The following SDK1 variants were observed in gnomAD, a reference collection of about 807,000 sequenced individuals.
SDK1 encodes protein sidekick-1.
SDK1 carries 157 observed loss-of-function variants against 245.5 expected under a neutral mutation model. That is an observed-to-expected ratio of 0.64 (90% confidence interval 0.56 to 0.73). The LOEUF (loss-of-function observed/expected upper bound fraction) is 0.73, where lower values mean the gene tolerates loss of function less well. SDK1 is among the 30% of genes least tolerant of loss of function. The pLI is 0.00. For missense variants in SDK1, 3,583 were observed against 3,002.3 expected (o/e 1.19, Z -4.52); for synonymous variants, 1,647 against 1,278.5 (o/e 1.29, Z -6.15).
intron 44 of SDK1, among the ~76,000 whole-genome samples, chr7:4,248,913 GCA>G (rs1053064239): frequency 2.2e-5 from 3 of 138,350 alleles, no homozygotes; most frequent in African/African-American, 1.0e-4. Context: ...ATACCACCAT[GCA>G]CACATACACA....
At chr7:4,027,394 C>G (rs1787441478) in intron 17 of SDK1, among the ~76,000 whole-genome samples, 1 of 152,146 alleles carries the variant, frequency 6.6e-6, no homozygotes, top group Non-Finnish European at 1.5e-5. Context: ...CAGTGGGCTC[C>G]TTAGCATGTG....
At chr7:4,000,687 C>G (rs904080652) in intron 14 of SDK1, among the ~76,000 whole-genome samples, 1 of 152,176 alleles carries the variant, frequency 6.6e-6, no homozygotes, top group African/African-American at 2.4e-5. Context: ...GTTTTGCTTG[C>G]CAAAATGGCG....
chr7:3,550,953 A>C (rs1018140276), intron 1 of SDK1, among the ~76,000 whole-genome samples: 6 of 152,206 alleles, frequency 3.9e-5, no homozygotes, highest in African/African-American at 1.4e-4. Context: ...TTGATTGTTA[A>C]AAGAAATAAA....
intron 4 of SDK1, chr7:3,642,965 A>G (rs1235049592): frequency 3.3e-5 from 5 of 152,244 alleles, no homozygotes; most frequent in African/African-American, 1.2e-4. Context: ...TTTCAAAAAG[A>G]ATATGTGTGA....
At chr7:3,484,910 C>T (rs1457144445) in intron 1 of SDK1, among the ~76,000 whole-genome samples, 1 of 152,134 alleles carries the variant, frequency 6.6e-6, no homozygotes, top group African/African-American at 2.4e-5. Flanking sequence ...TGTTGATGAG[C>T]ATTTAGCTTG....
At chr7:4,128,665 G>A (rs1784551899) in intron 26 of SDK1, among the ~76,000 whole-genome samples, 1 of 138,938 alleles carries the variant, frequency 7.2e-6, no homozygotes, top group Non-Finnish European at 1.5e-5. Flanking sequence ...TTGGGGTGGG[G>A]TGCCCTGGAA....
At chr7:3,788,863 A>G (rs1780992953) in intron 4 of SDK1, among the ~76,000 whole-genome samples, 1 of 152,166 alleles carries the variant, frequency 6.6e-6, no homozygotes, top group Non-Finnish European at 1.5e-5. Context: ...TTCAGGGCTG[A>G]GCCTGTAGGC....
chr7:3,739,331 A>G (rs925002994), intron 4 of SDK1, among the ~76,000 whole-genome samples: 1 of 152,128 alleles, frequency 6.6e-6, no homozygotes, highest in Non-Finnish European at 1.5e-5. Context: ...CCATTGTTTT[A>G]TATTAAATTT....
chr7:3,593,757 G>A (rs565065590), intron 1 of SDK1, among the ~76,000 whole-genome samples: 1 of 152,150 alleles, frequency 6.6e-6, no homozygotes, highest in African/African-American at 2.4e-5. Flanking sequence ...ACGCAAGAGG[G>A]CATATGGCAC....
intron 1 of SDK1, among the ~76,000 whole-genome samples, chr7:3,500,573 G>A (rs908365643): frequency 2.0e-5 from 3 of 152,032 alleles, no homozygotes; most frequent in Non-Finnish European, 4.4e-5. Context: ...TTATTTGTAA[G>A]AATTTCTGTT....
chr7:4,208,122 C>A lies in SDK1; in HGVS notation c.5238C>A (p.Ser1746Arg). The change falls in exon 37 of 45, where the codon AGC (serine) becomes AGA (arginine). Residue 1746 changes from serine to arginine, a missense_variant. Physicochemically the swap from Ser to Arg is moderately radical, Grantham distance 110. Coordinates refer to ENST00000404826, the MANE Select transcript of SDK1 (RefSeq NM_152744.4). ...AGATTTACTACTGGGAGGCAGACAG[C>A]CAGAACGAAACGGAGAAAATGAAGG... ...GYKIYYWEAD[S>R]QNETEKMKVL... The A allele has an allele frequency of 6.2e-7, 1 of 1,613,590 alleles. No homozygotes were observed. The highest frequency in any genetic ancestry group is 8.5e-7 in the Non-Finnish European group (1 of 1,179,812).
chr7:3,694,923 G>A (rs1289206303), intron 4 of SDK1, among the ~76,000 whole-genome samples: 2 of 152,064 alleles, frequency 1.3e-5, no homozygotes, highest in African/African-American at 4.8e-5. Context: ...CCTAGAATAG[G>A]CATTTCTGTT....
intron 5 of SDK1, among the ~76,000 whole-genome samples, chr7:3,936,602 T>G (rs969469512): frequency 6.6e-6 from 1 of 151,986 alleles, no homozygotes; most frequent in Non-Finnish European, 1.5e-5. Context: ...AAAAAAAATT[T>G]TGGAGATGTA....
Position 4,267,702 on chromosome 7 carries a change from G to C in SDK1, c.*2318G>C, listed in dbSNP as rs1230157267. 1 of 985,496 alleles carries C rather than the reference G, an allele frequency of 1.0e-6. No individual in the cohort carries two copies. Among genetic ancestry groups the C allele is most frequent in the East Asian group, 1.1e-4 (1 of 8,808 alleles). 61.0% of individuals were successfully genotyped at this position (985,496 alleles called of 1,614,324 possible). ...GGATGAGCAGATTCGAGATATGTTT[G>C]TTGCTCTCGGGTTTTCGATACAACA... On this transcript the variant is annotated 3_prime_UTR_variant, in exon 45 of 45. Transcript: ENST00000404826.
At chr7:3,591,895 G>C (rs1393189043) in intron 1 of SDK1, among the ~76,000 whole-genome samples, 2 of 152,220 alleles carry the variant, frequency 1.3e-5, no homozygotes, top group Non-Finnish European at 2.9e-5. Flanking sequence ...ACCTGGGGTG[G>C]TGTCTGAAGT....
Position 4,049,385 on chromosome 7 carries a change from C to T in SDK1, c.2640C>T (p.Ala880=), listed in dbSNP as rs765233530. ...TAPPQNVQTE[A]VNSTTIQFLW... ...CCCCGCAGAACGTGCAGACGGAAGC[C>T]GTGAACTCCACCACCATTCAGTTCC... Residue 880 remains alanine, a synonymous_variant, in exon 18 of 45, where the codon GCC becomes GCT. Coordinates refer to ENST00000404826, the MANE Select transcript of SDK1 (RefSeq NM_152744.4). 74 of 1,614,026 alleles carry T rather than the reference C, an allele frequency of 4.6e-5. No individual in the cohort carries two copies. Among genetic ancestry groups the T allele is most frequent in the Admixed American group, 5.0e-5 (3 of 60,004 alleles).
rs551004415 is a variant in SDK1 at position 3,534,179 on chromosome 7, C to T, written c.299-84901C>T. On this transcript the variant is annotated intron_variant, in intron 1 of 44. Transcript: ENST00000404826. ...TGTTCTCTTTGACCAGGTTATTTAT[C>T]TCCCTGAGCATAAGTCTCAACCATC... Among the ~76,000 whole-genome samples the T allele has an allele frequency of 5.3e-5, 8 of 152,320 alleles. No individual in the cohort carries two copies. In the South Asian group the frequency reaches 1.7e-3, roughly 32 times the overall value.
intron 1 of SDK1, among the ~76,000 whole-genome samples, chr7:3,449,265 G>A (rs1355551789): frequency 6.6e-6 from 1 of 151,686 alleles, no homozygotes; most frequent in South Asian, 2.1e-4. Context: ...TTTTATTTTG[G>A]GCTCATCCTT....
chr7:3,715,638 G>A (rs775091113), intron 4 of SDK1, among the ~76,000 whole-genome samples: 6 of 152,130 alleles, frequency 3.9e-5, no homozygotes, highest in Non-Finnish European at 7.3e-5. Flanking sequence ...AAAAAAGTAG[G>A]CAAAGTCCTA....
Sources: allele counts gnomAD v4.1 joint callset (sites outside exome capture counted in the v4.1 genomes callset), GRCh38; gene constraint gnomAD v4.1.1; transcripts MANE v1.5; gene names NCBI Gene and HGNC (gene_info 2026-07-23, HGNC 2026-07-21).